PHLDB2: variants seen among roughly 807,000 people sequenced by gnomAD.
PHLDB2 encodes the protein pleckstrin homology-like domain family B member 2.
A neutral mutation model predicts 123.6 loss-of-function variants in PHLDB2; 71 were observed. The observed-to-expected ratio is 0.57, with a 90% CI of 0.47 to 0.70. PHLDB2 has a LOEUF of 0.70. Ranked by LOEUF, PHLDB2 falls within the 30% of genes least tolerant of loss-of-function variation. PHLDB2 has a pLI of 0.00. For synonymous variants in PHLDB2, 547 were observed against 541.6 expected (o/e 1.01, Z -0.14); for missense variants, 1,446 against 1,519.5 (o/e 0.95, Z 0.80).
At chr3:111,821,714 G>T (rs1314966721) in intron 1 of PHLDB2, among the ~76,000 whole-genome samples, 5 of 152,144 alleles carry the variant, frequency 3.3e-5, no homozygotes, top group Admixed American at 3.3e-4. Flanking sequence ...ATGTAGTCAA[G>T]GTGACACACA....
chr3:111,772,837 A>G (rs1297496137), intron 1 of PHLDB2, among the ~76,000 whole-genome samples: 2 of 151,632 alleles, frequency 1.3e-5, no homozygotes, highest in African/African-American at 4.9e-5. Flanking sequence ...ATCCCTGCAC[A>G]CTTTTTTTAA....
intron 5 of PHLDB2, among the ~76,000 whole-genome samples, chr3:111,930,208 A>G (rs184957723): frequency 1.5e-4 from 22 of 150,926 alleles, no homozygotes; most frequent in African/African-American, 5.1e-4. Context: ...ATTTTTTTTT[A>G]TTAGTTGTTG....
chr3:111,857,353 AAGTGGG>A (rs1240100479), upstream of PHLDB2, among the ~76,000 whole-genome samples: 1 of 151,872 alleles, frequency 6.6e-6, no homozygotes, highest in Non-Finnish European at 1.5e-5. Context: ...CAGGAGGCTG[AAGTGGG>A]AGGATCACTT....
intron 12 of PHLDB2, among the ~76,000 whole-genome samples, 168 bp downstream of exon 12, chr3:111,954,197 T>C (rs1408737499): frequency 1.3e-5 from 2 of 152,212 alleles, no homozygotes; most frequent in Admixed American, 1.3e-4. Flanking sequence ...TTTTCCTATT[T>C]ATACATATAG....
intron 1 of PHLDB2, among the ~76,000 whole-genome samples, chr3:111,768,156 G>GA (rs1464521109): frequency 1.3e-5 from 2 of 152,124 alleles, no homozygotes; most frequent in African/African-American, 2.4e-5. Flanking sequence ...CCTGGCCATT[G>GA]ATATTCAGGC....
intron 1 of PHLDB2, among the ~76,000 whole-genome samples, chr3:111,871,272 T>C (rs1312769837): frequency 6.6e-6 from 1 of 152,212 alleles, no homozygotes. Flanking sequence ...TGCATTTATG[T>C]AGGCCAGACT....
chr3:111,732,564 G>A (rs763132223), exon 1 of PHLDB2: 233 of 1,440,796 alleles, frequency 1.6e-4, no homozygotes, highest in Non-Finnish European at 2.0e-4. Context: ...CTTCATGCTT[G>A]GGGAAAAGGA....
intron 12 of PHLDB2, among the ~76,000 whole-genome samples, chr3:111,954,834 T>G (rs1288474182): frequency 1.3e-5 from 2 of 152,168 alleles, no homozygotes; most frequent in Non-Finnish European, 2.9e-5. Context: ...CAATAAAATG[T>G]GGTAAATGAA....
At chr3:111,871,680 A>C (rs2065349265) in intron 1 of PHLDB2, among the ~76,000 whole-genome samples, 1 of 151,920 alleles carries the variant, frequency 6.6e-6, no homozygotes, top group African/African-American at 2.4e-5. Flanking sequence ...CTCCAAAAAA[A>C]CCTTTGTTTC....
chr3:111,949,856 A>C, intron 10 of PHLDB2: 1 of 986,076 alleles, frequency 1.0e-6, no homozygotes, highest in Non-Finnish European at 1.2e-6. Flanking sequence ...CCAGCTAAGA[A>C]ACACAGAAGG....
intron 1 of PHLDB2, among the ~76,000 whole-genome samples, chr3:111,739,909 C>A (rs1473520886): frequency 6.6e-6 from 1 of 152,040 alleles, no homozygotes. Context: ...AATGAATGGT[C>A]CTCAAGATGA....
In PHLDB2 at chr3:111,752,623, AT is replaced by A. The variant is rs1191267958; in HGVS notation, c.-49+19923del. Reference sequence around the variant, plus strand: ...CATTCGGTTATTTTCTAACAAAAAAATTTCTTTTTTATTATTATTTTATTTT... The same window carrying A: ...CATTCGGTTATTTTCTAACAAAAAAATTCTTTTTTATTATTATTTTATTTT... On this transcript the variant is annotated intron_variant, in intron 1 of 17. Transcript: ENST00000393923. Among the ~76,000 whole-genome samples, 4 of 151,044 alleles carry A rather than the reference AT, an allele frequency of 2.6e-5. No homozygotes were observed. In the East Asian group the frequency reaches 7.7e-4, roughly 29 times the overall value.
rs1322258232 is a variant in PHLDB2, at chr3:111,975,663, T to C, written c.*1100T>C. 1 of 152,348 alleles carries C rather than the reference T, an allele frequency of 6.6e-6. No homozygotes were observed. The highest frequency in any genetic ancestry group is 1.5e-5 in the Non-Finnish European group (1 of 67,950). 9.4% of individuals were successfully genotyped at this position (152,348 alleles called of 1,614,324 possible). On this transcript the variant is annotated 3_prime_UTR_variant, in exon 18 of 18. Coordinates refer to ENST00000431670, the MANE Select transcript of PHLDB2 (RefSeq NM_001134438.2). ...TTTATTTTATTTTTTACAATTAGCC[T>C]TTTTTTTAGTTAATTTTTGTCAAAT...
rs114495870 is a variant in PHLDB2, at chr3:111,760,904, C to A, written c.-49+28201C>A. Among the ~76,000 whole-genome samples the A allele has an allele frequency of 4.7e-3, 720 of 152,134 alleles. 7 individuals carry two copies. The highest frequency in any genetic ancestry group is 0.016 in the African/African-American group (652 of 41,524). ...CTGCTTGGAACCTTTAGAACTAAGT[C>A]GGCCAGGTGTGGTGGCTCACGCCTG... is the stretch of plus-strand genomic sequence containing the variant. On this transcript the variant is annotated intron_variant, in intron 1 of 17. Transcript: ENST00000393923.
intron 1 of PHLDB2, among the ~76,000 whole-genome samples, chr3:111,861,224 T>A (rs2108652158): frequency 6.6e-6 from 1 of 152,334 alleles, no homozygotes; most frequent in South Asian, 2.1e-4. Flanking sequence ...ATTGTGTAAA[T>A]ATTTGTTTGA....
chr3:111,923,002 C>T (rs1286057097), intron 5 of PHLDB2, among the ~76,000 whole-genome samples: 3 of 152,276 alleles, frequency 2.0e-5, no homozygotes, highest in East Asian at 3.9e-4. Context: ...TTACTGTCAG[C>T]ATGCCAATAT....
intron 1 of PHLDB2, among the ~76,000 whole-genome samples, chr3:111,741,751 A>G (rs1201765362): frequency 6.6e-6 from 1 of 152,102 alleles, no homozygotes; most frequent in African/African-American, 2.4e-5. Flanking sequence ...TTGATAGCAT[A>G]CTCTTTTCTC....
chr3:111,740,936 G>A (rs1243935905), intron 1 of PHLDB2, among the ~76,000 whole-genome samples: 1 of 151,470 alleles, frequency 6.6e-6, no homozygotes, highest in Non-Finnish European at 1.5e-5. Context: ...GAGAGGAGAG[G>A]GGGGAGAAAA....
At chr3:111,885,446 G>C (rs370817906) in intron 2 of PHLDB2, 34 bp downstream of exon 2, 5 of 1,613,306 alleles carry the variant, frequency 3.1e-6, no homozygotes, top group Middle Eastern at 1.6e-4. Flanking sequence ...TGACCTCACT[G>C]TTTCATTAAC....
Sources: allele counts gnomAD v4.1 joint callset (sites outside exome capture counted in the v4.1 genomes callset), GRCh38; gene constraint gnomAD v4.1.1; transcripts MANE v1.5; gene names NCBI Gene and HGNC (gene_info 2026-07-23, HGNC 2026-07-21).